The following HDAC4 variants were observed in gnomAD, a reference collection of about 807,000 sequenced individuals.
HDAC4 encodes histone deacetylase A.
A neutral mutation model predicts 135.1 loss-of-function variants in HDAC4; 16 were observed. The observed-to-expected ratio is 0.12, with a 90% CI of 0.08 to 0.18. The LOEUF (loss-of-function observed/expected upper bound fraction) is 0.18. Among genes scored for constraint, HDAC4 ranks in the 10% least tolerant of loss-of-function variants. HDAC4 has a pLI of 1.00. For synonymous variants in HDAC4, 685 were observed against 653.4 expected, an observed-to-expected ratio of 1.05 and a Z score of -0.74; for missense variants, 1,143 against 1,511.8, an observed-to-expected ratio of 0.76 and a Z score of 4.05.
intron 2 of HDAC4, among the ~76,000 whole-genome samples, chr2:239,250,333 A>T (rs772787679): frequency 6.6e-6 from 1 of 152,222 alleles, no homozygotes; most frequent in Non-Finnish European, 1.5e-5. Context: ...CCGGTCTCTA[A>T]CCCTGCAGGT....
At chr2:239,270,997 C>G (rs565469206) in intron 2 of HDAC4, among the ~76,000 whole-genome samples, 1 of 152,304 alleles carries the variant, frequency 6.6e-6, no homozygotes, top group South Asian at 2.1e-4. Context: ...ATACTTACAA[C>G]TCAAAGGACC....
intron 2 of HDAC4, among the ~76,000 whole-genome samples, chr2:239,294,823 C>T (rs1406381651): frequency 6.6e-6 from 1 of 152,114 alleles, no homozygotes; most frequent in Non-Finnish European, 1.5e-5. Context: ...GTCATGTGAG[C>T]ACCATCCAGG....
chr2:239,364,691 T>C (rs1184910866), intron 1 of HDAC4, among the ~76,000 whole-genome samples: 1 of 152,264 alleles, frequency 6.6e-6, no homozygotes, highest in Non-Finnish European at 1.5e-5. Context: ...AATAAAAAAC[T>C]GGTGCAGACC....
upstream of HDAC4, chr2:239,401,103 G>C (rs982001821): frequency 6.6e-6 from 1 of 151,914 alleles, no homozygotes; most frequent in South Asian, 2.1e-4. Context: ...GGCTGCGGCA[G>C]CCTTGCGTCA....
chr2:239,254,354 C>T (rs1034335966), intron 2 of HDAC4, among the ~76,000 whole-genome samples: 8 of 150,546 alleles, frequency 5.3e-5, no homozygotes, highest in African/African-American at 1.7e-4. Flanking sequence ...ACAACAAAAC[C>T]GAGAAATGAC....
In HDAC4 at chr2:239,400,575, G is replaced by C. The variant is rs2126147199; in HGVS notation, c.-220+403C>G. On this transcript the variant is annotated intron_variant, in intron 1 of 26. Transcript: ENST00000543185. This position sits in a 1 kb window ranked among gnomAD's most constrained non-coding sequence, Gnocchi z 4.7. ...CCCCGCCTCCCACGGCCGCGCGCGG[G>C]GCGGGTGTGGACCGGCGGCGTCCAC... The C allele has an allele frequency of 6.8e-6, 1 of 146,242 alleles. No individual in the cohort carries two copies. The highest frequency in any genetic ancestry group is 2.0e-4 in the East Asian group (1 of 5,070). The allele number at this position is 146,242 out of a possible 1,614,324, so 9.1% of individuals were successfully genotyped here. A position where few individuals can be genotyped will look rare whatever the true frequency, so the allele number is the denominator to read the frequency against.
chr2:239,163,850 G>C lies in HDAC4; in HGVS notation c.564C>G (p.His188Gln), dbSNP rs2042970282. The stretch of plus-strand genomic sequence containing the variant: ...TGGAAATGCAGTGGTTCAGATTCCG[G>C]TGGGCCAGCGCCTTCTTTTTATTGA... ...FVLNKKKALA[H>Q]RNLNHCISSD... Residue 188 changes from histidine to glutamine, a missense_variant, in exon 6 of 27, where the codon CAC (histidine) becomes CAG (glutamine). His to Gln is a conservative substitution (Grantham distance 24). Coordinates refer to ENST00000543185, the MANE Select transcript of HDAC4 (RefSeq NM_001378414.1). 5 of 1,614,166 alleles carry C rather than the reference G, an allele frequency of 3.1e-6. No homozygotes were observed. The East Asian group carries it at 6.7e-5, about 22-fold the overall frequency.
chr2:239,115,680 A>G lies in HDAC4; in HGVS notation c.1534-370T>C, dbSNP rs2039064594. 6.6e-6 allele frequency among the ~76,000 whole-genome samples: 1 copy of G among 152,054 alleles called. No homozygotes were observed. Among genetic ancestry groups the G allele is most frequent in the Non-Finnish European group, 1.5e-5 (1 of 67,984 alleles). On this transcript the variant is annotated intron_variant, in intron 12 of 26. Coordinates refer to ENST00000543185, the MANE Select transcript of HDAC4 (RefSeq NM_001378414.1). This position sits in a 1 kb window ranked among gnomAD's most constrained non-coding sequence, Gnocchi z 6.3. ...AGCTTGAGTGTGAAGGGGAGAGGCC[A>G]ATGCTGACCTCACAGCCACAACTGC...
intron 16 of HDAC4, among the ~76,000 whole-genome samples, chr2:239,100,807 G>C (rs1244682859): frequency 6.6e-6 from 1 of 152,136 alleles, no homozygotes; most frequent in Non-Finnish European, 1.5e-5. Context: ...AGTGGGGAGG[G>C]GTAGGGGCTT....
At chr2:239,081,981 A>C (rs2035378677) in intron 21 of HDAC4, 121 bp downstream of exon 21, 2 of 1,031,482 alleles carry the variant, frequency 1.9e-6, no homozygotes, top group Non-Finnish European at 3.0e-6. Context: ...GTCTGGGCTT[A>C]AGTGAGCACG....
At chr2:239,279,865 G>C (rs1038899598) in intron 2 of HDAC4, among the ~76,000 whole-genome samples, 3 of 152,158 alleles carry the variant, frequency 2.0e-5, no homozygotes, top group African/African-American at 7.2e-5. Flanking sequence ...CCTTCCCCAG[G>C]ACCCTTCCCT....
intron 8 of HDAC4, among the ~76,000 whole-genome samples, chr2:239,144,014 G>A (rs541665439): frequency 6.6e-6 from 1 of 152,072 alleles, no homozygotes; most frequent in East Asian, 2.0e-4. Flanking sequence ...GGGCGGGTGA[G>A]CCTTCAGGAT....
At position 239,084,648 on chromosome 2, in the gene HDAC4, CCACA is replaced by C. The variant is rs545742164; in HGVS notation, c.2445-410_2445-407del. ...CCACAGACAGAGACACACGTACACC[CCACA>C]CAGACACACACACCACAGAGACACA... is the stretch of plus-strand genomic sequence containing the variant. On this transcript the variant is annotated intron_variant, in intron 19 of 26. Transcript: ENST00000543185. Among the ~76,000 whole-genome samples the C allele has an allele frequency of 5.0e-3, 747 of 150,598 alleles. 5 individuals carry two copies. The highest frequency in any genetic ancestry group is 0.017 in the African/African-American group (713 of 40,832).
chr2:239,181,926 A>G (rs2044177507), intron 4 of HDAC4, among the ~76,000 whole-genome samples: 1 of 152,174 alleles, frequency 6.6e-6, no homozygotes, highest in Admixed American at 6.5e-5. Context: ...TCCTGCAGAC[A>G]CTAAATATCC....
At chr2:239,181,227 G>A (rs528919120) in intron 4 of HDAC4, among the ~76,000 whole-genome samples, 189 of 152,354 alleles carry the variant, frequency 1.2e-3, no homozygotes, top group African/African-American at 4.3e-3. Context: ...CCAGGAGCAC[G>A]GGGATAGAAG....
At chr2:239,201,174 G>C (rs2045733016) in intron 3 of HDAC4, among the ~76,000 whole-genome samples, 1 of 152,200 alleles carries the variant, frequency 6.6e-6, no homozygotes, top group Non-Finnish European at 1.5e-5. Flanking sequence ...CAGCAAACCA[G>C]AACCCTGGCA....
At chr2:239,185,828 C>T (rs1242545750) in intron 4 of HDAC4, among the ~76,000 whole-genome samples, 2 of 152,152 alleles carry the variant, frequency 1.3e-5, no homozygotes, top group African/African-American at 2.4e-5. Flanking sequence ...GCCAGGAGTT[C>T]GAGCCTAGCC....
chr2:239,096,942 GGGCAGGA>G (rs1313280259), intron 16 of HDAC4, among the ~76,000 whole-genome samples: 1 of 152,192 alleles, frequency 6.6e-6, no homozygotes, highest in Admixed American at 6.5e-5. Context: ...ACAGGGAGCA[GGGCAGGA>G]GGCAGGAGGC....
At chr2:239,195,007 G>A (rs541939373) in intron 3 of HDAC4, among the ~76,000 whole-genome samples, 3 of 152,330 alleles carry the variant, frequency 2.0e-5, no homozygotes, top group South Asian at 4.1e-4. Context: ...GCAGGGAGGC[G>A]AGGGGCCCTG....
Sources: allele counts gnomAD v4.1 joint callset (sites outside exome capture counted in the v4.1 genomes callset), GRCh38; gene constraint gnomAD v4.1.1; non-coding constraint Gnocchi (gnomAD v3.1); transcripts MANE v1.5; gene names NCBI Gene and HGNC (gene_info 2026-07-23, HGNC 2026-07-21).